Variants in ATP6V1H observed in about 807,000 individuals in gnomAD.
The protein encoded by ATP6V1H is V-type proton ATPase subunit H.
A neutral mutation model predicts 71.7 loss-of-function variants in ATP6V1H; 39 were observed. That is an observed-to-expected ratio of 0.54 (90% CI 0.42 to 0.71). The LOEUF (loss-of-function observed/expected upper bound fraction) is 0.71. ATP6V1H is among the 30% of genes least tolerant of loss of function. ATP6V1H has a pLI of 0.00. For missense variants in ATP6V1H, 509 were observed against 594.9 expected, an observed-to-expected ratio of 0.86 and a Z score of 1.50; for synonymous variants, 192 against 199.3, an observed-to-expected ratio of 0.96 and a Z score of 0.31.
intron 12 of ATP6V1H, among the ~76,000 whole-genome samples, chr8:53,754,868 G>A (rs527286395): frequency 1.1e-4 from 17 of 152,312 alleles, no homozygotes; most frequent in African/African-American, 4.1e-4. Context: ...ATTTTAAGGC[G>A]AGACTGGCCT....
intron 9 of ATP6V1H, among the ~76,000 whole-genome samples, chr8:53,780,900 A>C (rs1375163720): frequency 4.6e-5 from 7 of 152,148 alleles, no homozygotes; most frequent in Non-Finnish European, 1.0e-4. Flanking sequence ...AGAGTATTCC[A>C]TGGTGTATAT....
chr8:53,720,282 G>A lies in ATP6V1H; in HGVS notation c.1392-4258C>T, dbSNP rs142712959. Among the ~76,000 whole-genome samples, 329 of 151,908 alleles carry A rather than the reference G, an allele frequency of 2.2e-3. 4 individuals carry two copies. The South Asian group carries it at 0.031, about 14-fold the overall frequency. ...CAACATCTCTGAAACTGAAAAAAGG[G>A]CAGTCTGAAAACCTACTCCCCTTTT... is the stretch of plus-strand genomic sequence containing the variant. On this transcript the variant is annotated intron_variant, in intron 13 of 13. Transcript: ENST00000359530.
At position 53,781,404 on chromosome 8, in the gene ATP6V1H, C is replaced by T. The variant is rs933727194; in HGVS notation, c.871-9237G>A. Reference sequence around the variant, plus strand: ...GATGGGGTTGTTTGTTTTTTTCTTGCAAATTTGTTTGAGTTCATTGTAGAT... The same window carrying T: ...GATGGGGTTGTTTGTTTTTTTCTTGTAAATTTGTTTGAGTTCATTGTAGAT... On this transcript the variant is annotated intron_variant, in intron 9 of 13. Coordinates refer to ENST00000359530, the MANE Select transcript of ATP6V1H (RefSeq NM_015941.4). 2.3e-3 allele frequency among the ~76,000 whole-genome samples: 353 copies of T among 151,872 alleles called. 1 individual carries two copies. Among genetic ancestry groups the T allele is most frequent in the African/African-American group, 7.8e-3 (322 of 41,424 alleles).
At chr8:53,837,335 C>T (rs1045875518) in intron 2 of ATP6V1H, among the ~76,000 whole-genome samples, 1 of 152,238 alleles carries the variant, frequency 6.6e-6, no homozygotes, top group African/African-American at 2.4e-5. Context: ...CAGCCTACTA[C>T]ATGCCAGGCA....
intron 12 of ATP6V1H, among the ~76,000 whole-genome samples, chr8:53,751,754 C>T (rs771686867): frequency 7.0e-4 from 106 of 151,960 alleles, no homozygotes; most frequent in Non-Finnish European, 1.3e-3. Flanking sequence ...ACTGCAACCT[C>T]CGCCTCCTGG....
At chr8:53,753,327 G>A (rs766841981) in intron 12 of ATP6V1H, among the ~76,000 whole-genome samples, 25 of 152,190 alleles carry the variant, frequency 1.6e-4, no homozygotes, top group African/African-American at 7.2e-5. Context: ...GGAAAAGCAC[G>A]GAGGATCGAC....
chr8:53,716,027 GA>G lies in ATP6V1H; in HGVS notation c.1392-4del. 12 of 1,599,364 alleles carry G rather than the reference GA, an allele frequency of 7.5e-6. No individual in the cohort carries two copies. Among genetic ancestry groups the G allele is most frequent in the Admixed American group, 1.7e-5 (1 of 57,640 alleles). ...GGAGCTGCTTGCCAAGGTATTCCCT[GA>G]AAAAAAAGAATGAAGTAAGGAGAAT... On this transcript the variant is annotated splice_region_variant and splice_polypyrimidine_tract_variant and intron_variant, in intron 13 of 13. Coordinates refer to ENST00000359530, the MANE Select transcript of ATP6V1H (RefSeq NM_015941.4).
chr8:53,715,980 G>C lies in ATP6V1H; in HGVS notation c.1436C>G (p.Ala479Gly). 5 of 1,608,004 alleles carry C rather than the reference G, an allele frequency of 3.1e-6. No individual in the cohort carries two copies. Among genetic ancestry groups the C allele is most frequent in the African/African-American group, 1.3e-5 (1 of 75,014 alleles). ...GAGGCAGGCTTAGCTTCGGGCGGCA[G>C]CGGTCTGGGGCTGCTCGGACTGGAG... ...KQLQSEQPQT[A>G]AARS The change falls in exon 14 of 14, where the codon GCT becomes GGT. Residue 479 changes from alanine (A) to glycine (G), a missense_variant. Around this residue, in one of 2 missense-constraint regions of ATP6V1H, gnomAD observed 212 missense variants for 291.6 expected, o/e 0.73. Transcript: ENST00000359530.
chr8:53,728,122 G>A (rs770984309), intron 13 of ATP6V1H, among the ~76,000 whole-genome samples: 1 of 152,168 alleles, frequency 6.6e-6, no homozygotes, highest in Non-Finnish European at 1.5e-5. Flanking sequence ...TCAAACACAA[G>A]CCTTCTCACG....
intron 2 of ATP6V1H, among the ~76,000 whole-genome samples, chr8:53,838,407 C>G (rs1446615552): frequency 6.6e-6 from 1 of 152,224 alleles, no homozygotes; most frequent in Non-Finnish European, 1.5e-5. Context: ...GCGTGAGCCA[C>G]CGCGCCTGGC....
At chr8:53,741,284 T>TGGGGG (rs1807405377) in intron 13 of ATP6V1H, among the ~76,000 whole-genome samples, 1 of 152,210 alleles carries the variant, frequency 6.6e-6, no homozygotes, top group Non-Finnish European at 1.5e-5. Context: ...TTTCCTCCAC[T>TGGGGG]GGCAAAGGGA....
intron 9 of ATP6V1H, among the ~76,000 whole-genome samples, chr8:53,782,659 T>C (rs1809196132): frequency 6.6e-6 from 1 of 152,208 alleles, no homozygotes; most frequent in South Asian, 2.1e-4. Flanking sequence ...GCCCATTCAG[T>C]ATGATATTGG....
chr8:53,772,449 C>A (rs998452332), intron 9 of ATP6V1H, among the ~76,000 whole-genome samples: 1 of 152,062 alleles, frequency 6.6e-6, no homozygotes, highest in Non-Finnish European at 1.5e-5. Flanking sequence ...CAATGAAATC[C>A]ACCACAGTCC....
intron 9 of ATP6V1H, among the ~76,000 whole-genome samples, chr8:53,783,883 T>C (rs1419143511): frequency 6.6e-6 from 1 of 152,214 alleles, no homozygotes; most frequent in East Asian, 1.9e-4. Context: ...GAGTTCTAGT[T>C]TGATTGCACT....
At chr8:53,716,093 C>G in intron 13 of ATP6V1H, 69 bp from the exon 14 acceptor site, 3 of 1,200,082 alleles carry the variant, frequency 2.5e-6, no homozygotes, top group Non-Finnish European at 3.6e-6. Flanking sequence ...AAAATTGAAA[C>G]ACATTATGCA....
rs200802049 is a variant in ATP6V1H, at chr8:53,731,198, AC to A, written c.1391+12378del. 8.1e-3 allele frequency among the ~76,000 whole-genome samples: 1,235 copies of A among 151,786 alleles called. 2 individuals are homozygous for A. Among genetic ancestry groups the A allele is most frequent in the South Asian group, 0.015 (72 of 4,786 alleles). On this transcript the variant is annotated intron_variant, in intron 13 of 13. Coordinates refer to ENST00000359530, the MANE Select transcript of ATP6V1H (RefSeq NM_015941.4). ...CACATCTCCACCAACTCACTCCTTA[AC>A]CCTTAACACCTCTAGCACTGCCTGA...
intron 13 of ATP6V1H, among the ~76,000 whole-genome samples, chr8:53,721,963 G>A (rs1207846414): frequency 6.6e-6 from 1 of 152,188 alleles, no homozygotes; most frequent in Non-Finnish European, 1.5e-5. Flanking sequence ...CTATTTATAG[G>A]AGTTGTAGTC....
chr8:53,828,748 G>GT (rs1563485423), intron 4 of ATP6V1H, among the ~76,000 whole-genome samples: 3 of 152,112 alleles, frequency 2.0e-5, no homozygotes, highest in South Asian at 2.1e-4. Flanking sequence ...ATCAATAAAT[G>GT]TTTTTTTCCT....
chr8:53,828,584 G>A (rs1305841553), intron 4 of ATP6V1H, among the ~76,000 whole-genome samples: 1 of 152,088 alleles, frequency 6.6e-6, no homozygotes, highest in Non-Finnish European at 1.5e-5. Flanking sequence ...GAGAGACTGA[G>A]GTCATTCTCA....
Sources: gnomAD v4.1 joint callset for allele counts (sites outside exome capture counted in the v4.1 genomes callset) on GRCh38, gnomAD v4.1.1 for gene constraint, gnomAD v4.1.1 regional missense constraint, MANE v1.5 for transcripts, NCBI Gene and HGNC (gene_info 2026-07-23, HGNC 2026-07-21) for gene names.